Variants in ADGRG5 observed in about 807,000 individuals in gnomAD.
ADGRG5 encodes the protein adhesion G protein-coupled receptor G5.
ADGRG5 carries 37 observed loss-of-function variants against 53.2 expected under a neutral mutation model. That is an observed-to-expected ratio of 0.70 (90% confidence interval 0.53 to 0.91). The LOEUF (loss-of-function observed/expected upper bound fraction) is 0.91, where lower values mean the gene tolerates loss of function less well. Ranked by LOEUF, ADGRG5 falls within the 40% of genes least tolerant of loss-of-function variation. The probability of loss-of-function intolerance (pLI) is 0.00; values close to 1 mark genes in which losing one functional copy is unlikely to be tolerated. For synonymous variants in ADGRG5, 277 were observed against 290.4 expected (o/e 0.95, Z 0.47); for missense variants, 614 against 675.8 (o/e 0.91, Z 1.01).
At chr16:57,563,382 GC>G in intron 4 of ADGRG5, 135 bp downstream of exon 4, 1 of 741,266 alleles carries the variant, frequency 1.3e-6, no homozygotes, top group Non-Finnish European at 2.3e-6. Flanking sequence ...GCCCTAACTG[GC>G]AGTGAGTTGC....
At chr16:57,550,994 A>C (rs2032736940) in intron 1 of ADGRG5, among the ~76,000 whole-genome samples, 1 of 152,204 alleles carries the variant, frequency 6.6e-6, no homozygotes, top group South Asian at 2.1e-4. Context: ...AGATCGCACC[A>C]CTGCATTCCA....
At chr16:57,560,788 A>AT (rs2032981890) in intron 1 of ADGRG5, among the ~76,000 whole-genome samples, 1 of 151,902 alleles carries the variant, frequency 6.6e-6, no homozygotes, top group Admixed American at 6.6e-5. Context: ...TTTTATTTTT[A>AT]TTTTTTATTT....
At position 57,552,028 on chromosome 16, in the gene ADGRG5, C is replaced by CTATT. The variant is rs199998031; in HGVS notation, c.-39+9328_-39+9329insATTT. ...TGAGCAGAAATATTTTGAAATAAAT[C>CTATT]TTTTTTTTTTTTTGAGTAGTAGGTC... On this transcript the variant is annotated intron_variant, in intron 1 of 11. Transcript: ENST00000349457. Among the ~76,000 whole-genome samples, 595 of 146,288 alleles carry CTATT rather than the reference C, an allele frequency of 4.1e-3. 8 individuals are homozygous for CTATT. Among genetic ancestry groups the CTATT allele is most frequent in the East Asian group, 0.021 (102 of 4,838 alleles).
chr16:57,535,622 GCCCCACCCCGA>G, the ADGRG5 span, among the ~76,000 whole-genome samples: 1 of 151,674 alleles, frequency 6.6e-6, no homozygotes, highest in African/African-American at 2.4e-5. Context: ...TGGGGACCCA[GCCCCACCCCGA>G]CCCCAGCCCC....
At chr16:57,546,033 C>T (rs2032611365) in intron 1 of ADGRG5, among the ~76,000 whole-genome samples, 2 of 152,146 alleles carry the variant, frequency 1.3e-5, no homozygotes, top group South Asian at 4.1e-4. Flanking sequence ...ACCTTGTTGG[C>T]CAGGCTGGTC....
At chr16:57,568,225 C>T in intron 9 of ADGRG5, 101 bp downstream of exon 9, 7 of 1,198,014 alleles carry the variant, frequency 5.8e-6, no homozygotes, top group East Asian at 2.3e-5. Flanking sequence ...GTCATAGTGG[C>T]CATTACATGA....
chr16:57,569,281 A>G (rs1475431469), intron 9 of ADGRG5, among the ~76,000 whole-genome samples: 12 of 145,136 alleles, frequency 8.3e-5, no homozygotes, highest in Admixed American at 8.3e-4. Context: ...CACCTCCATC[A>G]TCACCTCCTC....
At chr16:57,569,192 C>T (rs1272376319) in intron 9 of ADGRG5, among the ~76,000 whole-genome samples, 1 of 151,066 alleles carries the variant, frequency 6.6e-6, no homozygotes, top group Non-Finnish European at 1.5e-5. Context: ...ATCACCTCCT[C>T]CACCTCCACC....
At position 57,567,502 on chromosome 16, in the gene ADGRG5, G is replaced by A; in HGVS notation, c.732G>A (p.Leu244=). ...CCCCAGCCCTGGTCCCTGCAGAGTT[G>A]CTGGCACCTCTTACGTACATCTCCC... ...QLSPALVPAE[L]LAPLTYISLV... The change falls in exon 8 of 12, where the codon TTG becomes TTA. Residue 244 remains leucine (L), a synonymous_variant. Coordinates refer to ENST00000349457, the MANE Select transcript of ADGRG5 (RefSeq NM_001304376.3). 1.9e-6 allele frequency: 3 copies of A among 1,610,844 alleles called. No homozygotes were observed. The highest frequency in any genetic ancestry group is 1.3e-5 in the African/African-American group (1 of 75,022).
chr16:57,564,887 G>A (rs1418075189), intron 5 of ADGRG5, 147 bp from the exon 6 acceptor site: 2 of 618,080 alleles, frequency 3.2e-6, no homozygotes, highest in African/African-American at 1.8e-5. Context: ...GGCTGGGAAG[G>A]CTGGGAGGCT....
intron 1 of ADGRG5, among the ~76,000 whole-genome samples, chr16:57,561,085 C>T (rs1197094500): frequency 1.3e-5 from 2 of 152,192 alleles, no homozygotes; most frequent in Admixed American, 1.3e-4. Flanking sequence ...GGCCAACAAT[C>T]GCTGTTTTTA....
chr16:57,565,185 C>T (rs749085877), intron 6 of ADGRG5, 35 bp downstream of exon 6: 3 of 1,279,366 alleles, frequency 2.3e-6, no homozygotes, highest in African/African-American at 2.9e-5. Flanking sequence ...CCACTGCACC[C>T]CTGCCCCTCT....
chr16:57,551,869 A>G (rs2146767164), intron 1 of ADGRG5, among the ~76,000 whole-genome samples: 1 of 152,340 alleles, frequency 6.6e-6, no homozygotes, highest in Non-Finnish European at 1.5e-5. Flanking sequence ...TTTCCTAAAT[A>G]ATAAGACTTG....
Position 57,568,003 on chromosome 16 carries a change from CG to C in ADGRG5, c.970del (p.Ala324ArgfsTer38). ...CGGCTCTGGCCGCTGCCCTGCACTACGCGCTGCTCAGCTGCCTCACCTGGAT... is the reference window on the plus strand; with the variant it reads ...CGGCTCTGGCCGCTGCCCTGCACTACCGCTGCTCAGCTGCCTCACCTGGAT... ...CTALAAALHYALLSCLTWMAI... is the reference protein window; with the variant it reads ...CTALAAALHYXLLSCLTWMAI... On this transcript the variant is annotated frameshift_variant, in exon 9 of 12. Transcript: ENST00000349457. LOFTEE classifies it high-confidence loss of function. The C allele has an allele frequency of 6.2e-7, 1 of 1,614,078 alleles. No individual in the cohort carries two copies. The highest frequency in any genetic ancestry group is 8.5e-7 in the Non-Finnish European group (1 of 1,179,966).
At chr16:57,571,985 G>A (rs915820043) in intron 10 of ADGRG5, among the ~76,000 whole-genome samples, 3 of 151,938 alleles carry the variant, frequency 2.0e-5, no homozygotes, top group Non-Finnish European at 2.9e-5. Flanking sequence ...AGGAGCTTTA[G>A]TGACACGTCC....
chr16:57,544,892 C>T (rs1598090382), intron 1 of ADGRG5, among the ~76,000 whole-genome samples: 1 of 152,172 alleles, frequency 6.6e-6, no homozygotes, highest in East Asian at 1.9e-4. Flanking sequence ...TCATCTCAGC[C>T]TCCTGAGTAG....
At chr16:57,566,987 C>G (rs1397303878) in intron 7 of ADGRG5, among the ~76,000 whole-genome samples, 3 of 152,240 alleles carry the variant, frequency 2.0e-5, no homozygotes. Flanking sequence ...CTTTGTCCCT[C>G]AACTGTGCTT....
chr16:57,544,572 G>T (rs1035474939), intron 1 of ADGRG5, among the ~76,000 whole-genome samples: 2 of 152,092 alleles, frequency 1.3e-5, no homozygotes, highest in Non-Finnish European at 2.9e-5. Flanking sequence ...GAACCAGTGG[G>T]GGTAAGAGCC....
intron 6 of ADGRG5, chr16:57,566,292 C>A: frequency 3.6e-6 from 1 of 277,960 alleles, no homozygotes; most frequent in Non-Finnish European, 6.7e-6. Context: ...AAGGCCAGAG[C>A]TGGACACTCA....
Sources: gnomAD v4.1 joint callset for allele counts (sites outside exome capture counted in the v4.1 genomes callset) on GRCh38, gnomAD v4.1.1 for gene constraint, MANE v1.5 for transcripts, NCBI Gene and HGNC (gene_info 2026-07-23, HGNC 2026-07-21) for gene names.